Variants in TSGA10 observed in about 807,000 individuals in gnomAD.
The protein encoded by TSGA10 is testis-specific gene 10 protein.
In TSGA10, 43 loss-of-function variants were observed where a neutral mutation model predicts 96.6. The ratio of observed to expected loss-of-function variants is 0.44; its 90% CI spans 0.35 to 0.57. TSGA10 has a LOEUF of 0.57. Ranked by LOEUF, TSGA10 falls within the 20% of genes least tolerant of loss-of-function variation. The pLI is 0.01. For synonymous variants in TSGA10, 229 were observed against 269.9 expected (o/e 0.85, Z 1.48); for missense variants, 703 against 834.4 (o/e 0.84, Z 1.94).
intron 20 of TSGA10, among the ~76,000 whole-genome samples, chr2:99,007,131 G>A (rs1190472666): frequency 4.5e-4 from 68 of 152,106 alleles, no homozygotes; most frequent in Middle Eastern, 6.8e-3. Flanking sequence ...ATCATACACT[G>A]GGGCCTGTTG....
At chr2:99,053,988 T>C (rs773696348) in intron 16 of TSGA10, among the ~76,000 whole-genome samples, 7 of 151,838 alleles carry the variant, frequency 4.6e-5, no homozygotes, top group Admixed American at 2.6e-4. Context: ...GTAATCCCTA[T>C]CAAAATTCCA....
intron 1 of TSGA10, among the ~76,000 whole-genome samples, chr2:99,129,303 ACTCT>A (rs1258339252): frequency 1.1e-4 from 17 of 151,976 alleles, no homozygotes; most frequent in South Asian, 2.1e-4. Flanking sequence ...ATGTCCAAAA[ACTCT>A]CTCTATCCCC....
Position 99,078,697 on chromosome 2 carries a change from C to T in TSGA10, c.844G>A (p.Glu282Lys). The T allele has an allele frequency of 2.5e-6, 4 of 1,613,694 alleles. No homozygotes were observed. Among genetic ancestry groups the T allele is most frequent in the Non-Finnish European group, 3.4e-6 (4 of 1,179,882 alleles). Residue 282 changes from glutamate to lysine, a missense_variant, in exon 12 of 21, where the codon GAG becomes AAG. Around this residue, in one of 3 missense-constraint regions of TSGA10, gnomAD observed 585 missense variants for 656.8 expected, o/e 0.89. Coordinates refer to ENST00000393483, the MANE Select transcript of TSGA10 (RefSeq NM_025244.4). ...CTCTCTCCAAGGGATGCAATATTCTCAGATTTTTTATCCAAACATGCTTGC... is the reference window on the plus strand; with the variant it reads ...CTCTCTCCAAGGGATGCAATATTCTTAGATTTTTTATCCAAACATGCTTGC... ...CLQACLDKKS[E>K]NIASLGESLA... is the part of the protein sequence containing the mutation.
At position 99,039,378 on chromosome 2, in the gene TSGA10, A is replaced by T. The variant is rs573010297; in HGVS notation, c.1405-3939T>A. On this transcript the variant is annotated intron_variant, in intron 16 of 20. Coordinates refer to ENST00000393483, the MANE Select transcript of TSGA10 (RefSeq NM_025244.4). ...GGTTGAGAAGATAAACAAAGCTGAT[A>T]GACTATTAGTGAGATTAACCAAGAA... Among the ~76,000 whole-genome samples, 67 of 152,040 alleles carry T rather than the reference A, an allele frequency of 4.4e-4. 1 individual carries two copies. The highest frequency in any genetic ancestry group is 3.4e-3 in the Middle Eastern group (1 of 294).
At chr2:99,085,700 T>C (rs535742290) in intron 10 of TSGA10, among the ~76,000 whole-genome samples, 32 of 138,172 alleles carry the variant, frequency 2.3e-4, no homozygotes, top group Non-Finnish European at 3.8e-4. Context: ...ATTATCAATA[T>C]GAAAAAAGAC....
At chr2:99,104,515 C>T (rs748937451) in intron 9 of TSGA10, among the ~76,000 whole-genome samples, 5 of 151,648 alleles carry the variant, frequency 3.3e-5, no homozygotes, top group Non-Finnish European at 7.4e-5. Context: ...CGCTCCATCG[C>T]CCAGGTTGAA....
In TSGA10 at chr2:99,035,403, A is replaced by C; in HGVS notation, c.1441T>G (p.Ser481Ala). The C allele has an allele frequency of 6.2e-7, 1 of 1,612,498 alleles. No homozygotes were observed. Among genetic ancestry groups the C allele is most frequent in the Non-Finnish European group, 8.5e-7 (1 of 1,179,086 alleles). ...NAERSYKSQI[S>A]TLHKSVVKME... ...TTTACAACAGATTTATGTAAGGTAGAAATCTGGGACTTGTAAGACCTTTCT... is the reference window on the plus strand; with the variant it reads ...TTTACAACAGATTTATGTAAGGTAGCAATCTGGGACTTGTAAGACCTTTCT... Residue 481 changes from serine to alanine, a missense_variant, in exon 17 of 21, where the codon TCT (serine) becomes GCT (alanine). Around this residue, in one of 3 missense-constraint regions of TSGA10, gnomAD observed 585 missense variants for 656.8 expected, o/e 0.89. Coordinates refer to ENST00000393483, the MANE Select transcript of TSGA10 (RefSeq NM_025244.4).
Position 99,105,576 on chromosome 2 carries a change from T to C in TSGA10, c.332A>G (p.Asp111Gly). The C allele has an allele frequency of 5.6e-6, 9 of 1,612,254 alleles. No individual in the cohort carries two copies. Among genetic ancestry groups the C allele is most frequent in the Non-Finnish European group, 6.8e-6 (8 of 1,178,396 alleles). The change falls in exon 8 of 21, where the codon GAT becomes GGT. Residue 111 changes from aspartate (D) to glycine (G), a missense_variant. This residue lies in a region of TSGA10 where 585 missense variants were observed against 656.8 expected (regional missense o/e 0.89). Transcript: ENST00000393483. ...TCGTTCTGTGGTCATTCTTCGTAAA[T>C]CAGTAAAGGCTACATCTCTTTCAGT... ...VETERDVAFTDLRRMTTERDS... is the reference protein window; with the variant it reads ...VETERDVAFTGLRRMTTERDS...
intron 1 of TSGA10, among the ~76,000 whole-genome samples, chr2:99,133,580 T>G (rs867904295): frequency 2.0e-5 from 3 of 152,248 alleles, no homozygotes; most frequent in African/African-American, 2.4e-5. Flanking sequence ...ATTTAGCCCA[T>G]TTACATTTAA....
intron 1 of TSGA10, among the ~76,000 whole-genome samples, chr2:99,144,648 T>TGAAAAAAAAAA (rs2093613310): frequency 6.3e-5 from 1 of 15,760 alleles, no homozygotes; most frequent in African/African-American, 1.4e-4. Context: ...AAACTCTGTC[T>TGAAAAAAAAAA]CAAAAAAAAA....
Position 99,065,113 on chromosome 2 carries a change from G to C in TSGA10, c.1230C>G (p.Asn410Lys). 6.2e-7 allele frequency: 1 copy of C among 1,610,352 alleles called. No homozygotes were observed. Among genetic ancestry groups the C allele is most frequent in the Non-Finnish European group, 8.5e-7 (1 of 1,179,006 alleles). The change falls in exon 16 of 21, where the codon AAC (asparagine) becomes AAG (lysine). Residue 410 changes from asparagine (N) to lysine (K), a missense_variant. Asn to Lys is a moderately conservative substitution (Grantham distance 94, BLOSUM62 0). Around this residue, in one of 3 missense-constraint regions of TSGA10, gnomAD observed 585 missense variants for 656.8 expected, o/e 0.89. Coordinates refer to ENST00000393483, the MANE Select transcript of TSGA10 (RefSeq NM_025244.4). ...TTCGAAGTTGTTCCATCATTTGCCG[G>C]TTCTCAGATTCCTGAAAAGCAAACT... Reference protein sequence around the residue: ...KNILKSEESENRQMMEQLRKA... With the variant: ...KNILKSEESEKRQMMEQLRKA...
In TSGA10 at chr2:99,074,351, C is replaced by CGTGTGTGTGTGTGTGTGTGT. The variant is rs147220063; in HGVS notation, c.883-1298_883-1279dup. On this transcript the variant is annotated intron_variant, in intron 12 of 20. Transcript: ENST00000393483. The stretch of plus-strand genomic sequence containing the variant: ...TTAGCGTTAGTTTTACACATATTTG[C>CGTGTGTGTGTGTGTGTGTGT]GTGTGTGTGTGTGTGTGTGTGTGTG... Among the ~76,000 whole-genome samples the CGTGTGTGTGTGTGTGTGTGT allele has an allele frequency of 8.4e-3, 1,217 of 145,112 alleles. 30 individuals carry two copies. Among genetic ancestry groups the CGTGTGTGTGTGTGTGTGTGT allele is most frequent in the Admixed American group, 0.041 (592 of 14,482 alleles).
chr2:99,106,799 C>T (rs977266848), intron 7 of TSGA10, among the ~76,000 whole-genome samples: 2 of 152,146 alleles, frequency 1.3e-5, no homozygotes, highest in African/African-American at 4.8e-5. Flanking sequence ...CCCTAGCTGT[C>T]TGTCATCTTT....
chr2:99,060,307 T>C (rs2084538727), intron 16 of TSGA10, among the ~76,000 whole-genome samples: 1 of 152,150 alleles, frequency 6.6e-6, no homozygotes, highest in Non-Finnish European at 1.5e-5. Flanking sequence ...ATTTTTACAA[T>C]GGCATTGTAA....
intron 3 of TSGA10, among the ~76,000 whole-genome samples, chr2:99,118,089 T>C (rs966964999): frequency 1.3e-5 from 2 of 152,132 alleles, no homozygotes; most frequent in Admixed American, 1.3e-4. Flanking sequence ...TTCAATAGCT[T>C]TGAAATTAAT....
chr2:99,060,567 G>GT (rs894441054), intron 16 of TSGA10, among the ~76,000 whole-genome samples: 8 of 151,824 alleles, frequency 5.3e-5, no homozygotes, highest in East Asian at 1.9e-4. Context: ...CCCCAAGTAG[G>GT]TTTTTTTTCT....
chr2:99,119,308 T>A lies in TSGA10; in HGVS notation c.-491-622A>T, dbSNP rs556341428. Among the ~76,000 whole-genome samples, 3 of 152,202 alleles carry A rather than the reference T, an allele frequency of 2.0e-5. No individual in the cohort carries two copies. The East Asian group carries it at 5.8e-4, about 29-fold the overall frequency. On this transcript the variant is annotated intron_variant, in intron 2 of 20. Transcript: ENST00000393483. ...ATCCAGTGTCTCCTACTCTCTTCTCTTTTGGCCTTCTCCCATCTGCTCTCA... is the reference window on the plus strand; with the variant it reads ...ATCCAGTGTCTCCTACTCTCTTCTCATTTGGCCTTCTCCCATCTGCTCTCA...
chr2:99,153,965 G>A (rs1394317168), intron 1 of TSGA10, among the ~76,000 whole-genome samples: 7 of 152,086 alleles, frequency 4.6e-5, no homozygotes. Flanking sequence ...AAATTCTTTG[G>A]GCTTCTTTCA....
intron 16 of TSGA10, among the ~76,000 whole-genome samples, chr2:99,058,177 T>G (rs1032697723): frequency 2.0e-5 from 3 of 152,160 alleles, no homozygotes; most frequent in Admixed American, 2.0e-4. Context: ...TTCAAAGTGA[T>G]GAAAATGTTC....
Sources: gnomAD v4.1 joint callset for allele counts (sites outside exome capture counted in the v4.1 genomes callset) on GRCh38, gnomAD v4.1.1 for gene constraint, gnomAD v4.1.1 regional missense constraint, MANE v1.5 for transcripts, NCBI Gene and HGNC (gene_info 2026-07-23, HGNC 2026-07-21) for gene names.